Variants in THEM4 observed in about 807,000 individuals in gnomAD.
THEM4 encodes the protein thioesterase superfamily member 4.
A neutral mutation model predicts 25.0 loss-of-function variants in THEM4; 22 were observed. That is an observed-to-expected ratio of 0.88 (90% CI 0.63 to 1.26). THEM4 has a LOEUF of 1.26. THEM4 is among the 50% of genes most tolerant of loss of function. The pLI, the probability that THEM4 is intolerant of heterozygous loss-of-function variation, is 0.00. For missense variants in THEM4, 286 were observed against 300.3 expected, an observed-to-expected ratio of 0.95 and a Z score of 0.35; for synonymous variants, 113 against 105.6, an observed-to-expected ratio of 1.07 and a Z score of -0.43.
intron 4 of THEM4, among the ~76,000 whole-genome samples, chr1:151,881,420 TTCC>T (rs1390029594): frequency 6.6e-6 from 1 of 152,236 alleles, no homozygotes; most frequent in Non-Finnish European, 1.5e-5. Context: ...TTGCTCATGA[TTCC>T]TCCTTTCATC....
chr1:151,876,516 C>T (rs1378375396), intron 5 of THEM4, among the ~76,000 whole-genome samples: 1 of 150,130 alleles, frequency 6.7e-6, no homozygotes, highest in Non-Finnish European at 1.5e-5. Context: ...GGTGCGATCT[C>T]AGCTCACTGC....
At chr1:151,882,942 A>C (rs941756739) in intron 4 of THEM4, among the ~76,000 whole-genome samples, 1 of 152,052 alleles carries the variant, frequency 6.6e-6, no homozygotes, top group African/African-American at 2.4e-5. Context: ...AAAGAGGTTT[A>C]ATTGACTCAC....
intron 4 of THEM4, among the ~76,000 whole-genome samples, chr1:151,883,672 T>C (rs1653895442): frequency 1.3e-5 from 2 of 151,588 alleles, no homozygotes; most frequent in African/African-American, 2.4e-5. Flanking sequence ...TCTCACTCTG[T>C]TGCCCAGGCT....
Position 151,885,598 on chromosome 1 carries a change from T to A in THEM4, c.557+2675A>T, listed in dbSNP as rs1166723257. On this transcript the variant is annotated intron_variant, in intron 4 of 5. Coordinates refer to ENST00000368814, the MANE Select transcript of THEM4 (RefSeq NM_053055.5). The stretch of plus-strand genomic sequence containing the variant: ...ATCTACTTGTTTTGAAGGAGGAATG[T>A]CCTTTAGCATTTCTTGTTTGCCATG... Among the ~76,000 whole-genome samples the A allele has an allele frequency of 2.0e-5, 3 of 152,270 alleles. No homozygotes were observed. In the East Asian group the frequency reaches 5.8e-4, roughly 29 times the overall value.
chr1:151,884,749 T>G (rs1653928354), intron 4 of THEM4, among the ~76,000 whole-genome samples: 1 of 151,330 alleles, frequency 6.6e-6, no homozygotes, highest in Admixed American at 6.6e-5. Context: ...GGTACAATGG[T>G]GCAATCTCTG....
At chr1:151,883,608 T>C (rs1653893339) in intron 4 of THEM4, among the ~76,000 whole-genome samples, 1 of 151,660 alleles carries the variant, frequency 6.6e-6, no homozygotes, top group African/African-American at 2.4e-5. Context: ...TCTAACTAAA[T>C]TGTTAGTGAA....
At chr1:151,892,327 G>A (rs1654112204) in intron 2 of THEM4, among the ~76,000 whole-genome samples, 1 of 152,198 alleles carries the variant, frequency 6.6e-6, no homozygotes, top group South Asian at 2.1e-4. Context: ...CAATGAGAAT[G>A]AGACAGGGAG....
At chr1:151,882,599 A>G (rs935017401) in intron 4 of THEM4, among the ~76,000 whole-genome samples, 3 of 152,128 alleles carry the variant, frequency 2.0e-5, no homozygotes, top group Non-Finnish European at 4.4e-5. Context: ...TCTACTTCCC[A>G]TTTTGCATTT....
At chr1:151,878,352 A>G (rs1269989653) in intron 4 of THEM4, among the ~76,000 whole-genome samples, 1 of 152,186 alleles carries the variant, frequency 6.6e-6, no homozygotes, top group Non-Finnish European at 1.5e-5. Flanking sequence ...CAATCCTGGA[A>G]CTTGTGCTGT....
intron 4 of THEM4, among the ~76,000 whole-genome samples, chr1:151,883,639 A>AT (rs201272659): frequency 0.029 from 4,092 of 141,734 alleles, 59 homozygotes; most frequent in Middle Eastern, 0.037. Context: ...TTAATTGTGC[A>AT]TTTTTTTTTT....
chr1:151,887,402 C>A (rs1653994512), intron 4 of THEM4, among the ~76,000 whole-genome samples: 1 of 151,350 alleles, frequency 6.6e-6, no homozygotes, highest in South Asian at 2.1e-4. Flanking sequence ...CACACTCCAG[C>A]CTGAGCAATA....
chr1:151,894,559 T>C (rs906611712), intron 2 of THEM4, among the ~76,000 whole-genome samples: 6 of 152,160 alleles, frequency 3.9e-5, no homozygotes, highest in African/African-American at 7.2e-5. Context: ...CACAGAAGGA[T>C]AGGAATTGCT....
In THEM4 at chr1:151,873,658, G is replaced by A. The variant is rs781264222; in HGVS notation, c.*1230C>T. On this transcript the variant is annotated 3_prime_UTR_variant, in exon 6 of 6. Coordinates refer to ENST00000368814, the MANE Select transcript of THEM4 (RefSeq NM_053055.5). ...AATCAAGTTAAAATGAGGTCATTCA[G>A]GTGGGTCCATTATGACTGGTTTCCT... is the stretch of plus-strand genomic sequence containing the variant. 6.6e-6 allele frequency: 1 copy of A among 152,232 alleles called. No homozygotes were observed. Among genetic ancestry groups the A allele is most frequent in the Admixed American group, 6.5e-5 (1 of 15,282 alleles). The allele number at this position is 152,232 out of a possible 1,614,324, so 9.4% of individuals were successfully genotyped here.
chr1:151,901,514 A>C (rs1219488427), intron 1 of THEM4, among the ~76,000 whole-genome samples: 1 of 152,230 alleles, frequency 6.6e-6, no homozygotes, highest in Non-Finnish European at 1.5e-5. Flanking sequence ...TAGTGGAATA[A>C]AACTGGAAAT....
intron 1 of THEM4, among the ~76,000 whole-genome samples, chr1:151,907,976 C>G (rs2101734841): frequency 6.6e-6 from 1 of 152,316 alleles, no homozygotes; most frequent in Middle Eastern, 3.4e-3. Context: ...GCATGGCTGG[C>G]TGGCGTTCCC....
intron 4 of THEM4, among the ~76,000 whole-genome samples, chr1:151,886,139 T>G (rs1020112804): frequency 6.6e-6 from 1 of 152,202 alleles, no homozygotes; most frequent in Admixed American, 6.5e-5. Context: ...AGCATCAGAT[T>G]TGGTGTCATA....
At chr1:151,889,576 T>G in intron 2 of THEM4, 1 of 515,442 alleles carries the variant, frequency 1.9e-6, no homozygotes, top group Admixed American at 3.3e-5. Flanking sequence ...ACAGTCCAAC[T>G]GGGGACAGAG....
At chr1:151,896,961 T>C (rs1285479463) in intron 1 of THEM4, among the ~76,000 whole-genome samples, 3 of 152,164 alleles carry the variant, frequency 2.0e-5, no homozygotes, top group Non-Finnish European at 4.4e-5. Flanking sequence ...GGACAAGTTT[T>C]TGGTGTCACA....
At chr1:151,878,277 A>T (rs750195262) in intron 4 of THEM4, among the ~76,000 whole-genome samples, 1 of 152,196 alleles carries the variant, frequency 6.6e-6, no homozygotes. Flanking sequence ...GGCATTGAAT[A>T]ATGATCCCTC....
Sources: allele counts gnomAD v4.1 joint callset (sites outside exome capture counted in the v4.1 genomes callset), GRCh38; gene constraint gnomAD v4.1.1; transcripts MANE v1.5; gene names NCBI Gene and HGNC (gene_info 2026-07-23, HGNC 2026-07-21).